The following TSNARE1 variants were observed in gnomAD, a reference collection of about 807,000 sequenced individuals.
TSNARE1 encodes t-SNARE domain containing 1, also known as t-SNARE domain-containing protein 1.
A neutral mutation model predicts 62.0 loss-of-function variants in TSNARE1; 49 were observed. The ratio of observed to expected loss-of-function variants is 0.79; its 90% confidence interval spans 0.63 to 1.00. TSNARE1 has a LOEUF of 1.00. Ranked by LOEUF, TSNARE1 falls within the 50% of genes least tolerant of loss-of-function variation. The pLI, the probability that TSNARE1 is intolerant of heterozygous loss-of-function variation, is 0.00. For missense variants in TSNARE1, 755 were observed against 700.1 expected, an observed-to-expected ratio of 1.08 and a Z score of -0.88; for synonymous variants, 328 against 294.4, an observed-to-expected ratio of 1.11 and a Z score of -1.17.
intron 12 of TSNARE1, among the ~76,000 whole-genome samples, chr8:142,253,059 C>G (rs1323043920): frequency 1.3e-5 from 2 of 152,258 alleles, no homozygotes; most frequent in African/African-American, 2.4e-5. Context: ...TGCCTGTTCA[C>G]AGACTGGATG....
intron 1 of TSNARE1, among the ~76,000 whole-genome samples, chr8:142,360,561 G>A (rs1399604336): frequency 1.3e-5 from 2 of 152,178 alleles, no homozygotes; most frequent in Admixed American, 6.5e-5. Context: ...CTACCGAGCT[G>A]CTTCCGTGCC....
intron 12 of TSNARE1, among the ~76,000 whole-genome samples, chr8:142,241,296 C>T (rs1372900178): frequency 1.3e-5 from 2 of 152,014 alleles, no homozygotes; most frequent in East Asian, 3.9e-4. Flanking sequence ...CTTAGGAGTA[C>T]ATTTAAGGAA....
chr8:142,339,692 A>C (rs1020590643), intron 4 of TSNARE1, among the ~76,000 whole-genome samples: 1 of 152,240 alleles, frequency 6.6e-6, no homozygotes, highest in African/African-American at 2.4e-5. Flanking sequence ...TCGGGGAAGC[A>C]TAGGGCAGCT....
intron 1 of TSNARE1, among the ~76,000 whole-genome samples, chr8:142,386,355 T>C (rs1307418390): frequency 6.6e-6 from 1 of 152,164 alleles, no homozygotes; most frequent in Non-Finnish European, 1.5e-5. Context: ...TAAGATACTA[T>C]AATATCTCAT....
In TSNARE1 at chr8:142,351,909, G is replaced by A. The variant is rs74406877; in HGVS notation, c.88+2728C>T. On this transcript the variant is annotated intron_variant, in intron 2 of 13. Transcript: ENST00000524325. ...CTCCACACTCACCCCACCTCACACC[G>A]TAAACAAAAATCAAAGGTCAATTAC... 6.0e-3 allele frequency among the ~76,000 whole-genome samples: 918 copies of A among 152,162 alleles called. 10 individuals are homozygous for A. The highest frequency in any genetic ancestry group is 0.021 in the African/African-American group (861 of 41,512).
intron 11 of TSNARE1, chr8:142,275,234 C>T (rs1820262569): frequency 1.0e-6 from 1 of 985,440 alleles, no homozygotes; most frequent in Non-Finnish European, 1.2e-6. Flanking sequence ...TGGCCACGGC[C>T]CCCTCTGAAG....
intron 12 of TSNARE1, among the ~76,000 whole-genome samples, chr8:142,264,074 T>C (rs946911374): frequency 6.6e-6 from 1 of 152,254 alleles, no homozygotes; most frequent in Non-Finnish European, 1.5e-5. Context: ...GCTACTAAGT[T>C]TCATTGAAGT....
chr8:142,304,865 G>C (rs532553046), intron 9 of TSNARE1, among the ~76,000 whole-genome samples: 1 of 152,230 alleles, frequency 6.6e-6, no homozygotes, highest in African/African-American at 2.4e-5. Flanking sequence ...CCTGGAGAGC[G>C]GCATGACGGT....
At chr8:142,331,072 G>T in intron 5 of TSNARE1, 102 bp from the exon 6 acceptor site, 5 of 1,043,686 alleles carry the variant, frequency 4.8e-6, no homozygotes, top group Non-Finnish European at 7.2e-6. Context: ...GGTGAGCAGA[G>T]CCCAGGGACC....
Position 142,319,309 on chromosome 8 carries a change from C to G in TSNARE1, c.894-675G>C, listed in dbSNP as rs912319146. On this transcript the variant is annotated intron_variant, in intron 6 of 13. Coordinates refer to ENST00000524325, the MANE Select transcript of TSNARE1 (RefSeq NM_145003.5). The surrounding 1 kb of genome is among the most constrained non-coding windows in gnomAD (Gnocchi z 4.9). The stretch of plus-strand genomic sequence containing the variant: ...CCCAGGGAGGCCAGCAGTCCCCACC[C>G]CCCTGCACACCTCTGAGGGGTGCAC... 2.6e-5 allele frequency among the ~76,000 whole-genome samples: 4 copies of G among 152,070 alleles called. No homozygotes were observed. Among genetic ancestry groups the G allele is most frequent in the African/African-American group, 9.7e-5 (4 of 41,428 alleles).
At position 142,371,746 on chromosome 8, in the gene TSNARE1, C is replaced by T. The variant is rs575177118; in HGVS notation, c.-39-16983G>A. Among the ~76,000 whole-genome samples the T allele has an allele frequency of 1.3e-3, 201 of 152,246 alleles. 1 individual carries two copies. The Middle Eastern group carries it at 0.014, about 10-fold the overall frequency. On this transcript the variant is annotated intron_variant, in intron 1 of 13. Coordinates refer to ENST00000524325, the MANE Select transcript of TSNARE1 (RefSeq NM_145003.5). ...CTTAAGGTATGTGTCTCTTACCATA[C>T]GTGAGCTAAACGCCAACTCTTAAAA...
chr8:142,263,802 G>A (rs1465200029), intron 12 of TSNARE1, among the ~76,000 whole-genome samples: 1 of 152,146 alleles, frequency 6.6e-6, no homozygotes. Flanking sequence ...TTGTTATTTT[G>A]AAATGTCTGC....
At chr8:142,381,268 A>G (rs1273466469) in intron 1 of TSNARE1, among the ~76,000 whole-genome samples, 1 of 152,198 alleles carries the variant, frequency 6.6e-6, no homozygotes, top group East Asian at 1.9e-4. Flanking sequence ...GGGCAGCCCA[A>G]GGCCATGTCT....
chr8:142,348,388 G>A (rs1370334049), intron 2 of TSNARE1, among the ~76,000 whole-genome samples: 1 of 152,180 alleles, frequency 6.6e-6, no homozygotes. Context: ...CACATGTGGT[G>A]AACACCTCTG....
chr8:142,219,293 T>C (rs1162897182), intron 13 of TSNARE1, among the ~76,000 whole-genome samples: 2 of 151,808 alleles, frequency 1.3e-5, no homozygotes, highest in South Asian at 2.1e-4. Context: ...AAGGAAAGCT[T>C]AGGGAGAGAA....
At chr8:142,274,490 G>A in intron 12 of TSNARE1, 1 of 985,480 alleles carries the variant, frequency 1.0e-6, no homozygotes, top group Non-Finnish European at 1.2e-6. Flanking sequence ...AAGGCCCCAA[G>A]GGCCCTCCCC....
chr8:142,238,989 C>T (rs1307181239), intron 12 of TSNARE1, among the ~76,000 whole-genome samples: 1 of 152,134 alleles, frequency 6.6e-6, no homozygotes, highest in East Asian at 1.9e-4. Context: ...TGGTGTCTGG[C>T]TCGTCCCTGG....
chr8:142,296,989 C>T (rs956214217), intron 10 of TSNARE1, among the ~76,000 whole-genome samples: 18 of 152,182 alleles, frequency 1.2e-4, no homozygotes, highest in Admixed American at 8.5e-4. Flanking sequence ...CCACACGGCC[C>T]GCTACACTCT....
intron 12 of TSNARE1, chr8:142,269,441 A>AC: frequency 1.0e-6 from 1 of 985,428 alleles, no homozygotes; most frequent in South Asian, 4.7e-5. Flanking sequence ...CAAGACAGAA[A>AC]ACACACACAG....
Sources: gnomAD v4.1 joint callset for allele counts (sites outside exome capture counted in the v4.1 genomes callset) on GRCh38, gnomAD v4.1.1 for gene constraint, Gnocchi (gnomAD v3.1) non-coding constraint, MANE v1.5 for transcripts, NCBI Gene and HGNC (gene_info 2026-07-23, HGNC 2026-07-21) for gene names.